ADA2: variants seen among roughly 807,000 people sequenced by gnomAD.
The protein encoded by ADA2 is adenosine deaminase 2.
Under a neutral mutation model 44.2 loss-of-function variants are expected in ADA2, and 29 were observed. The ratio of observed to expected loss-of-function variants is 0.66; its 90% CI spans 0.49 to 0.89. ADA2 has a LOEUF of 0.89. Ranked by LOEUF, ADA2 falls within the 40% of genes least tolerant of loss-of-function variation. The probability of loss-of-function intolerance (pLI) is 0.00; values close to 1 mark genes in which losing one functional copy is unlikely to be tolerated. For synonymous variants in ADA2, 215 were observed against 234.9 expected, an observed-to-expected ratio of 0.92 and a Z score of 0.77; for missense variants, 637 against 644.8, an observed-to-expected ratio of 0.99 and a Z score of 0.13.
At chr22:17,220,769 T>C (rs2062517420), upstream of ADA2, among the ~76,000 whole-genome samples, 1 of 152,056 alleles carries the variant, frequency 6.6e-6, no homozygotes, top group African/African-American at 2.4e-5. Flanking sequence ...ATCTGGAGCC[T>C]TGATGCTCCT....
rs1212231226 is a variant in ADA2, at chr22:17,179,458, G to A, written c.*2025C>T. 1 of 152,212 alleles carries A rather than the reference G, an allele frequency of 6.6e-6. No homozygotes were observed. Among genetic ancestry groups the A allele is most frequent in the African/African-American group, 2.4e-5 (1 of 41,454 alleles). The allele number at this position is 152,212 out of a possible 1,614,324, so 9.4% of individuals were successfully genotyped here. A position where few individuals can be genotyped will look rare whatever the true frequency, so the allele number is the denominator to read the frequency against. Reference sequence around the variant, plus strand: ...ACTGTAGACACAGAAATAAATATCCGATTATAAGCTGTGATTAGAGGCATG... The same window carrying A: ...ACTGTAGACACAGAAATAAATATCCAATTATAAGCTGTGATTAGAGGCATG... On this transcript the variant is annotated 3_prime_UTR_variant, in exon 10 of 10. Transcript: ENST00000399837.
chr22:17,208,434 A>C (rs990042465), intron 2 of ADA2, among the ~76,000 whole-genome samples: 48 of 105,290 alleles, frequency 4.6e-4, no homozygotes, highest in African/African-American at 1.6e-3. Flanking sequence ...AAAAAAAAAA[A>C]GAAAAAAAAA....
chr22:17,201,111 A>C (rs1265923835), intron 4 of ADA2, among the ~76,000 whole-genome samples: 2 of 151,888 alleles, frequency 1.3e-5, no homozygotes, highest in Admixed American at 1.3e-4. Flanking sequence ...CGGGAGGCTG[A>C]GGCACGAGAA....
At chr22:17,210,537 C>G (rs540048361) in intron 1 of ADA2, among the ~76,000 whole-genome samples, 1 of 151,926 alleles carries the variant, frequency 6.6e-6, no homozygotes, top group Non-Finnish European at 1.5e-5. Flanking sequence ...AGCCCTGGCT[C>G]ATGCATAAAG....
chr22:17,188,358 GAAGT>G lies in ADA2; in HGVS notation c.1058_1061del (p.Tyr353SerfsTer14). On this transcript the variant is annotated frameshift_variant, in exon 7 of 10. Coordinates refer to ENST00000399837, the MANE Select transcript of ADA2 (RefSeq NM_001282225.2). LOFTEE classifies it high-confidence loss of function. ...GCTCACCTGTTTCTCCGGCGTGGAA[GAAGT>G]AAGGCAGCTTAACGCCATCCTTGGC... 1 of 1,613,822 alleles carries G rather than the reference GAAGT, an allele frequency of 6.2e-7. No homozygotes were observed. The highest frequency in any genetic ancestry group is 1.1e-5 in the South Asian group (1 of 91,082).
chr22:17,203,426 C>T (rs2062314587), intron 4 of ADA2, 137 bp downstream of exon 4: 1 of 684,604 alleles, frequency 1.5e-6, no homozygotes. Context: ...CTCATGTTGG[C>T]CCCTGGAAAG....
chr22:17,209,314 C>CT (rs751319451), intron 2 of ADA2, 42 bp downstream of exon 2: 2 of 1,542,408 alleles, frequency 1.3e-6, no homozygotes, highest in African/African-American at 2.7e-5. Flanking sequence ...ATGAGTCCCT[C>CT]TACCTTCCCA....
chr22:17,203,435 A>C, intron 4 of ADA2, 128 bp downstream of exon 4: 1 of 713,816 alleles, frequency 1.4e-6, no homozygotes. Context: ...GCCCCTGGAA[A>C]GGCACATGAT....
chr22:17,198,487 G>C (rs78315277), intron 4 of ADA2: 10,392 of 152,286 alleles, frequency 0.068, 528 homozygotes, highest in East Asian at 0.2. Flanking sequence ...CACAGGGTTC[G>C]CTTCATTCAG....
At chr22:17,191,890 A>AC (rs1327560433) in intron 4 of ADA2, 80 bp from the exon 5 acceptor site, 4 of 1,385,506 alleles carry the variant, frequency 2.9e-6, no homozygotes, top group Admixed American at 4.3e-5. Context: ...CTGCCCAGCC[A>AC]CCCCTGGCCA....
Position 17,218,675 on chromosome 22 carries a change from C to T in ADA2, c.-47+681G>A, listed in dbSNP as rs571909583. On this transcript the variant is annotated intron_variant, in intron 1 of 9. Transcript: ENST00000399837. Reference sequence around the variant, plus strand: ...GCATTTGTGTCCCAGCAACTGTGAACTTTTCCAGGCTGCCAGACAGAAGTT... The same window carrying T: ...GCATTTGTGTCCCAGCAACTGTGAATTTTTCCAGGCTGCCAGACAGAAGTT... Among the ~76,000 whole-genome samples, 387 of 152,304 alleles carry T rather than the reference C, an allele frequency of 2.5e-3. 3 individuals are homozygous for T. Among genetic ancestry groups the T allele is most frequent in the African/African-American group, 9.1e-3 (377 of 41,544 alleles).
chr22:17,196,547 A>AT (rs1357812109), intron 4 of ADA2, among the ~76,000 whole-genome samples: 1 of 151,998 alleles, frequency 6.6e-6, no homozygotes, highest in African/African-American at 2.4e-5. Context: ...AGCAGGGAAG[A>AT]ATAGGGTTCT....
At chr22:17,220,303 G>C (rs1346728141), upstream of ADA2, among the ~76,000 whole-genome samples, 1 of 152,098 alleles carries the variant, frequency 6.6e-6, no homozygotes, top group Non-Finnish European at 1.5e-5. Flanking sequence ...ACGCTCCAAG[G>C]GACAAGTGGA....
intron 9 of ADA2, 61 bp downstream of exon 9, chr22:17,181,759 G>T: frequency 2.1e-6 from 3 of 1,448,020 alleles, no homozygotes; most frequent in Non-Finnish European, 2.9e-6. Flanking sequence ...CCTCCAGAGA[G>T]GCAAACACAA....
At chr22:17,184,234 G>A (rs891953536) in intron 7 of ADA2, among the ~76,000 whole-genome samples, 6 of 151,510 alleles carry the variant, frequency 4.0e-5, no homozygotes, top group African/African-American at 1.2e-4. Flanking sequence ...AAAGTGCTGG[G>A]ATTACAGGCG....
chr22:17,188,301 C>T, intron 7 of ADA2, 38 bp downstream of exon 7: 1 of 1,496,518 alleles, frequency 6.7e-7, no homozygotes, highest in Non-Finnish European at 9.3e-7. Flanking sequence ...CTCCCATTGA[C>T]CACCTCCGCT....
chr22:17,192,931 G>T, intron 4 of ADA2: 1 of 579,538 alleles, frequency 1.7e-6, no homozygotes, highest in Non-Finnish European at 3.2e-6. Context: ...CCCTTGTGAA[G>T]CCTGATTGTC....
chr22:17,203,857 G>A (rs2062321939), intron 3 of ADA2, 84 bp from the exon 4 acceptor site: 1 of 805,148 alleles, frequency 1.2e-6, no homozygotes, highest in African/African-American at 1.7e-5. Flanking sequence ...TACCCACCTT[G>A]CATATCCCAG....
rs750955849 is a variant in ADA2 at position 17,209,578 on chromosome 22, G to A, written c.100C>T (p.Arg34Trp). The change falls in exon 2 of 10, where the codon CGG becomes TGG. Residue 34 changes from arginine (R) to tryptophan (W), a missense_variant. By Grantham distance (101) the Arg-to-Trp change is moderately radical. Transcript: ENST00000399837. ...TTTTCTTTCAACAACAGATGCGCCC[G>A]TGTTTCATCTATGGATAGAGCTGAG... ...FGSALSIDET[R>W]AHLLLKEKMM... 4.0e-5 allele frequency: 65 copies of A among 1,613,954 alleles called. No homozygotes were observed. Among genetic ancestry groups the A allele is most frequent in the Admixed American group, 3.8e-4 (23 of 59,968 alleles).
Sources: gnomAD v4.1 joint callset for allele counts (sites outside exome capture counted in the v4.1 genomes callset) on GRCh38, gnomAD v4.1.1 for gene constraint, MANE v1.5 for transcripts, NCBI Gene and HGNC (gene_info 2026-07-23, HGNC 2026-07-21) for gene names.